The following ABCC9 variants were observed in gnomAD, a reference collection of about 807,000 sequenced individuals.
ABCC9 encodes the protein ATP-binding cassette sub-family C member 9.
In ABCC9, 95 loss-of-function variants were observed where a neutral mutation model predicts 188.3. The observed-to-expected ratio is 0.50, with a 90% CI of 0.43 to 0.60. The LOEUF (loss-of-function observed/expected upper bound fraction) is 0.60, where lower values mean the gene tolerates loss of function less well. Ranked by LOEUF, ABCC9 falls within the 20% of genes least tolerant of loss-of-function variation. The pLI is 0.00. For missense variants in ABCC9, 1,102 were observed against 1,876.3 expected, an observed-to-expected ratio of 0.59 and a Z score of 7.62; for synonymous variants, 659 against 652.7, an observed-to-expected ratio of 1.01 and a Z score of -0.15.
chr12:21,920,353 C>A (rs982898228), intron 5 of ABCC9, among the ~76,000 whole-genome samples: 2 of 151,994 alleles, frequency 1.3e-5, no homozygotes, highest in Non-Finnish European at 2.9e-5. Flanking sequence ...AGGAAACCTA[C>A]AAAGCAATAA....
chr12:21,879,358 A>G (rs12304313), intron 16 of ABCC9, among the ~76,000 whole-genome samples: 2 of 152,008 alleles, frequency 1.3e-5, no homozygotes, highest in Non-Finnish European at 2.9e-5. Flanking sequence ...CAGGAGCCAG[A>G]TAGACACAAA....
intron 18 of ABCC9, among the ~76,000 whole-genome samples, chr12:21,870,295 C>T (rs1364732564): frequency 3.3e-5 from 5 of 151,332 alleles, no homozygotes; most frequent in Non-Finnish European, 5.9e-5. Context: ...CTCACTCTGT[C>T]GCCCAGGCTG....
chr12:21,823,443 C>T (rs536456390), intron 31 of ABCC9, among the ~76,000 whole-genome samples: 1 of 152,250 alleles, frequency 6.6e-6, no homozygotes, highest in African/African-American at 2.4e-5. Flanking sequence ...TATATTAGGG[C>T]CTTCAAATTA....
At chr12:21,845,952 A>G (rs914739872) in intron 25 of ABCC9, 120 bp from the exon 26 acceptor site, 2 of 832,644 alleles carry the variant, frequency 2.4e-6, no homozygotes, top group Non-Finnish European at 3.9e-6. Context: ...ATTAGTATTG[A>G]AGTTTTAAAT....
At chr12:21,870,067 C>T (rs1046015995) in intron 18 of ABCC9, among the ~76,000 whole-genome samples, 2 of 152,118 alleles carry the variant, frequency 1.3e-5, no homozygotes, top group Non-Finnish European at 2.9e-5. Flanking sequence ...TTCACCCCCT[C>T]CTGCCTGCCC....
chr12:21,858,515 G>A (rs1945341645), intron 22 of ABCC9, among the ~76,000 whole-genome samples: 1 of 151,708 alleles, frequency 6.6e-6, no homozygotes, highest in Non-Finnish European at 1.5e-5. Context: ...GGAGGTGGAG[G>A]TTGCAGTGAG....
Position 21,817,184 on chromosome 12 carries a change from T to C in ABCC9, c.3892+3A>G. 1 of 1,613,068 alleles carries C rather than the reference T, an allele frequency of 6.2e-7. No homozygotes were observed. The highest frequency in any genetic ancestry group is 8.5e-7 in the Non-Finnish European group (1 of 1,179,306). On this transcript the variant is annotated splice_donor_region_variant and intron_variant, in intron 33 of 39. Coordinates refer to ENST00000261200, the MANE Select transcript of ABCC9 (RefSeq NM_020297.4). Reference sequence around the variant, plus strand: ...GTGAGACAAACAATATTTAGAGCAATACCCATTGTGCCTTCATAGTTCTCT... The same window carrying C: ...GTGAGACAAACAATATTTAGAGCAACACCCATTGTGCCTTCATAGTTCTCT...
At chr12:21,849,059 T>G (rs1200370213) in intron 24 of ABCC9, among the ~76,000 whole-genome samples, 2 of 152,172 alleles carry the variant, frequency 1.3e-5, no homozygotes, top group East Asian at 3.9e-4. Context: ...TTCTACCGGC[T>G]ATTCTGGAAA....
intron 9 of ABCC9, 131 bp from the exon 10 acceptor site, chr12:21,910,443 ATCT>A (rs1211189821): frequency 4.7e-5 from 42 of 894,116 alleles, no homozygotes; most frequent in Non-Finnish European, 6.3e-5. Flanking sequence ...CTATAGGATC[ATCT>A]TCTTAAATCA....
intron 39 of ABCC9, 87 bp from the exon 40 acceptor site, chr12:21,801,268 T>G (rs567584120): frequency 4.5e-6 from 7 of 1,554,884 alleles, no homozygotes; most frequent in Middle Eastern, 1.7e-4. Context: ...TGAATTATTC[T>G]GGGACATTTG....
At chr12:21,824,518 G>A (rs1591990552) in intron 31 of ABCC9, among the ~76,000 whole-genome samples, 1 of 152,252 alleles carries the variant, frequency 6.6e-6, no homozygotes, top group African/African-American at 2.4e-5. Flanking sequence ...AATGAGTTAG[G>A]GAGGAGTCCC....
chr12:21,877,552 A>AT (rs1050119832), intron 16 of ABCC9, among the ~76,000 whole-genome samples: 1 of 152,108 alleles, frequency 6.6e-6, no homozygotes, highest in Non-Finnish European at 1.5e-5. Context: ...TGAAGATTCC[A>AT]TTTTCTCTCC....
intron 8 of ABCC9, among the ~76,000 whole-genome samples, chr12:21,911,917 A>G (rs938445061): frequency 5.3e-5 from 8 of 152,038 alleles, no homozygotes; most frequent in Admixed American, 2.0e-4. Context: ...GTATGCAAGG[A>G]TCTGGGCTAA....
intron 17 of ABCC9, among the ~76,000 whole-genome samples, chr12:21,874,318 A>G (rs1313830482): frequency 1.3e-5 from 2 of 152,060 alleles, no homozygotes; most frequent in Non-Finnish European, 2.9e-5. Context: ...ATCACCTCAC[A>G]CCTGTTAGGA....
intron 18 of ABCC9, among the ~76,000 whole-genome samples, chr12:21,868,560 A>G (rs1235111063): frequency 6.6e-6 from 1 of 152,096 alleles, no homozygotes; most frequent in Non-Finnish European, 1.5e-5. Context: ...AATGGCATAA[A>G]CCCAGGAGGC....
At chr12:21,834,059 C>A (rs1943933367) in intron 30 of ABCC9, among the ~76,000 whole-genome samples, 1 of 152,138 alleles carries the variant, frequency 6.6e-6, no homozygotes. Flanking sequence ...TGAATTTTGC[C>A]TTCGATTCTC....
intron 3 of ABCC9, among the ~76,000 whole-genome samples, chr12:21,934,984 T>A (rs767398563): frequency 2.6e-5 from 4 of 152,126 alleles, no homozygotes; most frequent in Non-Finnish European, 5.9e-5. Flanking sequence ...ATTTTCCTAG[T>A]ACCTGATAGT....
chr12:21,882,982 GTTATA>G (rs1244992255), intron 15 of ABCC9, 109 bp from the exon 16 acceptor site: 6 of 828,384 alleles, frequency 7.2e-6, no homozygotes, highest in Non-Finnish European at 1.2e-5. Context: ...AGAAGTGGAT[GTTATA>G]TTTTAATTAT....
rs1942280044 is a variant in ABCC9, at chr12:21,812,051, A to G, written c.4209T>C (p.Ile1403=). Residue 1403 remains isoleucine, a splice_region_variant and synonymous_variant, in exon 36 of 40, where the codon ATT becomes ATC. Transcript: ENST00000261200. The stretch of plus-strand genomic sequence containing the variant: ...GTGTTGCTAAATATGTTACCTACCT[A>G]ATGGAACCACTGAATAGTATTGGAT... The part of the protein sequence containing the change: ...LQDPILFSGS[I]RFNLDPECKC... 1.3e-6 allele frequency: 2 copies of G among 1,597,422 alleles called. No individual in the cohort carries two copies. The highest frequency in any genetic ancestry group is 1.7e-6 in the Non-Finnish European group (2 of 1,164,980).
Sources: allele counts gnomAD v4.1 joint callset (sites outside exome capture counted in the v4.1 genomes callset), GRCh38; gene constraint gnomAD v4.1.1; transcripts MANE v1.5; gene names NCBI Gene and HGNC (gene_info 2026-07-23, HGNC 2026-07-21).